The following ANO5 variants were observed in gnomAD, a reference collection of about 807,000 sequenced individuals.
ANO5 encodes anoctamin 5, also known as anoctamin-5.
ANO5 carries 109 observed loss-of-function variants against 121.0 expected under a neutral mutation model. The ratio of observed to expected loss-of-function variants is 0.90; its 90% CI spans 0.77 to 1.06. The LOEUF is 1.06. ANO5 is among the 50% of genes least tolerant of loss of function. The probability of loss-of-function intolerance (pLI) is 0.00; values close to 1 mark genes in which losing one functional copy is unlikely to be tolerated. For missense variants in ANO5, 1,064 were observed against 1,078.5 expected (o/e 0.99, Z 0.19); for synonymous variants, 406 against 359.9 (o/e 1.13, Z -1.45).
Position 22,217,103 on chromosome 11 carries a change from T to A in ANO5, c.139-1143T>A, listed in dbSNP as rs1228284235. ...CAACAGCAATACTAACTCCTCTGTCTATATATAGAAGACATTAGTTTACAG... is the reference window on the plus strand; with the variant it reads ...CAACAGCAATACTAACTCCTCTGTCAATATATAGAAGACATTAGTTTACAG... On this transcript the variant is annotated intron_variant, in intron 3 of 21. Transcript: ENST00000324559. Among the ~76,000 whole-genome samples, 7 of 152,054 alleles carry A rather than the reference T, an allele frequency of 4.6e-5. No individual in the cohort carries two copies. The South Asian group carries it at 8.3e-4, about 18-fold the overall frequency.
intron 12 of ANO5, among the ~76,000 whole-genome samples, chr11:22,252,062 A>AAAAAAAAAAAAAAAAAAAAAAAAAAAAG: frequency 7.8e-6 from 1 of 127,932 alleles, no homozygotes; most frequent in African/African-American, 3.0e-5. Flanking sequence ...AAAAAAAACT[A>AAAAAAAAAAAAAAAAAAAAAAAAAAAAG]GGCAAGGGCT....
intron 5 of ANO5, among the ~76,000 whole-genome samples, chr11:22,224,341 TCTC>T (rs1212257340): frequency 6.6e-6 from 1 of 152,064 alleles, no homozygotes; most frequent in Non-Finnish European, 1.5e-5. Flanking sequence ...CTGTTCTGTA[TCTC>T]ATACCTTCAA....
intron 1 of ANO5, among the ~76,000 whole-genome samples, chr11:22,199,034 G>A (rs191346623): frequency 7.9e-4 from 120 of 152,254 alleles, no homozygotes; most frequent in Middle Eastern, 6.8e-3. Context: ...TCTTTTACAT[G>A]AGAAAGCCTG....
In ANO5 at chr11:22,279,636, G is replaced by C; in HGVS notation, c.2613G>C (p.Met871Ile). 1 of 1,612,724 alleles carries C rather than the reference G, an allele frequency of 6.2e-7. No homozygotes were observed. Among genetic ancestry groups the C allele is most frequent in the Non-Finnish European group, 8.5e-7 (1 of 1,179,020 alleles). ...VVERIKREKL[M>I]TIKILHDFEL... ...AGAGAATCAAGAGAGAAAAGTTAAT[G>C]ACTATCAAGATTCTCCATGATTTTG... Residue 871 changes from methionine (M) to isoleucine (I), a missense_variant, in exon 22 of 22, where the codon ATG becomes ATC. Physicochemically the swap from Met to Ile is conservative, Grantham distance 10 (BLOSUM62 1). Transcript: ENST00000324559.
intron 2 of ANO5, among the ~76,000 whole-genome samples, chr11:22,205,961 G>C (rs1186174094): frequency 6.6e-6 from 1 of 152,076 alleles, no homozygotes; most frequent in Non-Finnish European, 1.5e-5. Context: ...TAAGTAAACT[G>C]AATGTGTAAT....
intron 3 of ANO5, among the ~76,000 whole-genome samples, chr11:22,212,315 A>G (rs1472665512): frequency 6.6e-6 from 1 of 151,936 alleles, no homozygotes; most frequent in African/African-American, 2.4e-5. Flanking sequence ...AAGTGTTTTC[A>G]GAGAAATCTT....
intron 8 of ANO5, among the ~76,000 whole-genome samples, chr11:22,239,210 A>T (rs573819391): frequency 1.9e-3 from 282 of 151,870 alleles, no homozygotes; most frequent in African/African-American, 6.4e-3. Context: ...TTTCATCTAT[A>T]AAAAAAAGTG....
At position 22,281,341 on chromosome 11, in the gene ANO5, C is replaced by G. The variant is rs113043098; in HGVS notation, c.*1576C>G. ...TAACTACTGATCAATAGTAAGCATA[C>G]AGAACTGGGGATTATGGATTTTATA... On this transcript the variant is annotated 3_prime_UTR_variant, in exon 22 of 22. Transcript: ENST00000324559. 6.3e-4 allele frequency: 96 copies of G among 152,060 alleles called. No homozygotes were observed. The highest frequency in any genetic ancestry group is 3.4e-3 in the Middle Eastern group (1 of 294). 9.4% of individuals were successfully genotyped at this position (152,060 alleles called of 1,614,324 possible). A position where few individuals can be genotyped will look rare whatever the true frequency, so the allele number is the denominator to read the frequency against.
intron 8 of ANO5, 65 bp downstream of exon 8, chr11:22,236,341 G>C (rs556001390): frequency 1.5e-6 from 2 of 1,298,698 alleles, no homozygotes; most frequent in East Asian, 2.4e-5. Flanking sequence ...ATTACTGGGA[G>C]AGAGAATCTT....
rs141597019 is a variant in ANO5 at position 22,206,935 on chromosome 11, T to C, written c.87+3085T>C. Among the ~76,000 whole-genome samples the C allele has an allele frequency of 2.5e-3, 373 of 152,118 alleles. 2 individuals are homozygous for C. The highest frequency in any genetic ancestry group is 7.8e-3 in the African/African-American group (322 of 41,534). On this transcript the variant is annotated intron_variant, in intron 2 of 21. Transcript: ENST00000324559. ...AGACAAAAAAATAAAATAAAAGGTA[T>C]TCAGATCAGAAAGGGACAAATAAAA... is the stretch of plus-strand genomic sequence containing the variant.
chr11:22,264,190 A>C (rs2133754762), intron 17 of ANO5, among the ~76,000 whole-genome samples: 1 of 151,928 alleles, frequency 6.6e-6, no homozygotes, highest in South Asian at 2.1e-4. Context: ...CACCTAGCTA[A>C]GTTTCTGTAT....
intron 9 of ANO5, 53 bp from the exon 10 acceptor site, chr11:22,250,184 C>T: frequency 2.0e-6 from 3 of 1,494,472 alleles, no homozygotes; most frequent in Non-Finnish European, 2.8e-6. Context: ...AATCAAGGCT[C>T]CAGACTATAA....
In ANO5 at chr11:22,233,770, C is replaced by T. The variant is rs139704485; in HGVS notation, c.649-2393C>T. ...ATTCCAAGGAGTTTTTCTGCAAAAA[C>T]TTTGGCTAATTTTCTCAAAACACTG... On this transcript the variant is annotated intron_variant, in intron 7 of 21. Coordinates refer to ENST00000324559, the MANE Select transcript of ANO5 (RefSeq NM_213599.3). Among the ~76,000 whole-genome samples, 552 of 151,944 alleles carry T rather than the reference C, an allele frequency of 3.6e-3. 3 individuals are homozygous for T. The highest frequency in any genetic ancestry group is 5.8e-3 in the Admixed American group (88 of 15,190).
At chr11:22,217,688 C>A (rs139194527) in intron 3 of ANO5, among the ~76,000 whole-genome samples, 2,689 of 151,734 alleles carry the variant, frequency 0.018, 75 homozygotes, top group African/African-American at 0.061. Context: ...AACAGAAAAC[C>A]AAATACTGCA....
chr11:22,201,267 C>G (rs1054536279), intron 1 of ANO5, among the ~76,000 whole-genome samples: 2 of 152,156 alleles, frequency 1.3e-5, no homozygotes, highest in Non-Finnish European at 2.9e-5. Context: ...ATTTGCCAAT[C>G]AGTGTGCTAA....
chr11:22,273,612 A>C (rs933836986), intron 19 of ANO5, among the ~76,000 whole-genome samples: 3 of 152,166 alleles, frequency 2.0e-5, no homozygotes, highest in Admixed American at 6.5e-5. Context: ...CTGGAAAATA[A>C]GCTGAGTATA....
intron 21 of ANO5, among the ~76,000 whole-genome samples, chr11:22,278,282 A>G (rs1564955658): frequency 6.6e-6 from 1 of 151,700 alleles, no homozygotes; most frequent in African/African-American, 2.4e-5. Flanking sequence ...TGAGCCCCTT[A>G]GATCTAAAAA....
At chr11:22,228,696 G>A (rs1852930927) in intron 7 of ANO5, among the ~76,000 whole-genome samples, 1 of 151,812 alleles carries the variant, frequency 6.6e-6, no homozygotes, top group African/African-American at 2.4e-5. Flanking sequence ...CTACTTCTAT[G>A]AAAACAACTT....
chr11:22,242,474 T>A (rs1421040005), intron 9 of ANO5, among the ~76,000 whole-genome samples: 2 of 152,170 alleles, frequency 1.3e-5, no homozygotes, highest in Non-Finnish European at 2.9e-5. Context: ...ATTTGTAAAT[T>A]GCTTTGGGCA....
Sources: allele counts gnomAD v4.1 joint callset (sites outside exome capture counted in the v4.1 genomes callset), GRCh38; gene constraint gnomAD v4.1.1; transcripts MANE v1.5; gene names NCBI Gene and HGNC (gene_info 2026-07-23, HGNC 2026-07-21).